The following ZC3H12B variants were observed in gnomAD, a reference collection of about 807,000 sequenced individuals.
The protein encoded by ZC3H12B is zinc finger CCCH-type containing 12B.
Under a neutral mutation model 43.9 loss-of-function variants are expected in ZC3H12B, and 7 were observed. The observed-to-expected ratio is 0.16, with a 90% CI of 0.09 to 0.30. The LOEUF (loss-of-function observed/expected upper bound fraction) is 0.30, where lower values mean the gene tolerates loss of function less well. Among genes scored for constraint, ZC3H12B ranks in the 10% least tolerant of loss-of-function variants. The pLI is 1.00. For synonymous variants in ZC3H12B, 222 were observed against 241.7 expected (o/e 0.92, Z 0.76); for missense variants, 475 against 670.2 (o/e 0.71, Z 3.22).
At chrX:65,319,748 G>A in the ZC3H12B span, among the ~76,000 whole-genome samples, 5 of 111,043 alleles carry the variant, frequency 4.5e-5, no homozygotes, top group African/African-American at 1.3e-4. Flanking sequence ...CCTTATCCCT[G>A]GGATACAAAT....
chrX:65,174,195 T>C, the ZC3H12B span, among the ~76,000 whole-genome samples: 1 of 111,641 alleles, frequency 9.0e-6, no homozygotes, highest in South Asian at 3.8e-4. Flanking sequence ...CTGGGAGGTG[T>C]CTCCCAGTCA....
chrX:65,230,356 G>A, the ZC3H12B span, among the ~76,000 whole-genome samples: 1 of 108,695 alleles, frequency 9.2e-6, no homozygotes, highest in Non-Finnish European at 1.9e-5. Context: ...GACGCAGGAA[G>A]GGGAACATCA....
chrX:65,150,510 C>G, the ZC3H12B span, among the ~76,000 whole-genome samples: 1 of 109,564 alleles, frequency 9.1e-6, no homozygotes, highest in Non-Finnish European at 1.9e-5. Flanking sequence ...CCCAACAGGC[C>G]CTGGTGTGTG....
the ZC3H12B span, among the ~76,000 whole-genome samples, chrX:65,170,670 C>T: frequency 8.1e-4 from 91 of 111,923 alleles, no homozygotes; most frequent in Non-Finnish European, 1.4e-3. Flanking sequence ...TTCAGGTACA[C>T]CAATGAGACG....
the ZC3H12B span, among the ~76,000 whole-genome samples, chrX:65,265,464 A>G: frequency 8.9e-6 from 1 of 112,035 alleles, no homozygotes; most frequent in Non-Finnish European, 1.9e-5. Context: ...CCTTTATACT[A>G]CTTCTCAGTA....
the ZC3H12B span, among the ~76,000 whole-genome samples, chrX:65,167,541 C>T: frequency 9.0e-6 from 1 of 111,451 alleles, no homozygotes; most frequent in Admixed American, 9.6e-5. Context: ...TCTTTGGTTC[C>T]ATGTTAAATT....
At chrX:65,183,420 G>T in the ZC3H12B span, among the ~76,000 whole-genome samples, 5 of 111,184 alleles carry the variant, frequency 4.5e-5, no homozygotes, top group East Asian at 2.8e-4. Context: ...TGAGGTTGGA[G>T]GGTGGGAGGG....
the ZC3H12B span, among the ~76,000 whole-genome samples, chrX:65,082,759 A>G: frequency 9.0e-6 from 1 of 111,278 alleles, no homozygotes; most frequent in Non-Finnish European, 1.9e-5. Context: ...CAATCATTCT[A>G]TGAGGTCAGT....
chrX:65,095,752 A>G, the ZC3H12B span, among the ~76,000 whole-genome samples: 6 of 111,652 alleles, frequency 5.4e-5, no homozygotes, highest in Non-Finnish European at 1.1e-4. Flanking sequence ...GGAGGGAAGG[A>G]CATTACCCAA....
chrX:65,105,331 T>C, the ZC3H12B span, among the ~76,000 whole-genome samples: 1 of 111,043 alleles, frequency 9.0e-6, no homozygotes, highest in East Asian at 2.8e-4. Flanking sequence ...AATGACTGTT[T>C]GATAGGTGCA....
the ZC3H12B span, among the ~76,000 whole-genome samples, chrX:65,314,554 A>G: frequency 8.9e-6 from 1 of 112,340 alleles, no homozygotes; most frequent in African/African-American, 3.2e-5. Context: ...TCCAGAGAAA[A>G]TATTCTTCAG....
the ZC3H12B span, among the ~76,000 whole-genome samples, chrX:65,209,949 T>A: frequency 1.1e-5 from 1 of 89,249 alleles, no homozygotes; most frequent in East Asian, 3.2e-4. Flanking sequence ...ACATTAGACC[T>A]AAAACCATAA....
chrX:65,485,035 G>A (rs2148218449), upstream of ZC3H12B, among the ~76,000 whole-genome samples: 1 of 111,784 alleles, frequency 8.9e-6, no homozygotes, highest in East Asian at 2.8e-4. Flanking sequence ...AGATTCAGAT[G>A]CAAGTTTGCA....
chrX:65,339,329 C>A, the ZC3H12B span, among the ~76,000 whole-genome samples: 1 of 111,613 alleles, frequency 9.0e-6, no homozygotes, highest in Non-Finnish European at 1.9e-5. Flanking sequence ...TCATTTCTGG[C>A]CCCCAATGAC....
At position 65,373,981 on chromosome X, in the gene ZC3H12B, A is replaced by AGT. The variant is rs1386806577; in HGVS notation, n.295+4983_295+4984insGT. ...TATACTGTATATATAGTATATATAT[A>AGT]TACTATATATATATAGTATATATAT... On this transcript the variant is annotated intron_variant and non_coding_transcript_variant, in intron 2 of 5. Coordinates refer to the ZC3H12B transcript ENST00000617377. Among the ~76,000 whole-genome samples the AGT allele has an allele frequency of 1.7e-4, 8 of 47,059 alleles. No homozygotes were observed. The African/African-American group carries it at 2.7e-3, about 16-fold the overall frequency. The allele number at this position is 47,059 out of a possible 115,157, so 40.9% of individuals were successfully genotyped here.
In ZC3H12B at chrX:65,422,413, G is replaced by A. The variant is rs141153490; in HGVS notation, n.407+23709G>A. On this transcript the variant is annotated intron_variant and non_coding_transcript_variant, in intron 3 of 5. Coordinates refer to the ZC3H12B transcript ENST00000617377. ...TTGTTGGTCTATATTTGGAGATTAA[G>A]TATAGTTTAAAATGTATATGGGTCC... 1.3e-4 allele frequency among the ~76,000 whole-genome samples: 15 copies of A among 112,348 alleles called. No individual in the cohort carries two copies. In the East Asian group the frequency reaches 4.2e-3, roughly 31 times the overall value.
At chrX:65,070,289 T>C in the ZC3H12B span, among the ~76,000 whole-genome samples, 1 of 111,218 alleles carries the variant, frequency 9.0e-6, no homozygotes, top group Non-Finnish European at 1.9e-5. Flanking sequence ...AGTGGTAATG[T>C]TCCCTTTGTC....
the ZC3H12B span, among the ~76,000 whole-genome samples, chrX:65,163,682 C>A: frequency 1.8e-5 from 2 of 111,711 alleles, no homozygotes; most frequent in Non-Finnish European, 3.8e-5. Context: ...TCACCCCTTT[C>A]TTTGACTAGG....
the ZC3H12B span, among the ~76,000 whole-genome samples, chrX:65,054,254 G>A: frequency 2.7e-5 from 3 of 110,618 alleles, no homozygotes; most frequent in African/African-American, 6.5e-5. Flanking sequence ...CTAACATTCA[G>A]GTCTTTAATC....
Sources: allele counts gnomAD v4.1 joint callset (sites outside exome capture counted in the v4.1 genomes callset), GRCh38; gene constraint gnomAD v4.1.1; transcripts MANE v1.5; gene names NCBI Gene and HGNC (gene_info 2026-07-23, HGNC 2026-07-21).